The following MPPED2 variants were observed in gnomAD, a reference collection of about 807,000 sequenced individuals.
MPPED2 encodes metallophosphoesterase domain containing 2, also known as metallophosphoesterase MPPED2.
A neutral mutation model predicts 33.0 loss-of-function variants in MPPED2; 5 were observed. That is an observed-to-expected ratio of 0.15 (90% CI 0.08 to 0.32). The LOEUF (loss-of-function observed/expected upper bound fraction) is 0.32, where lower values mean the gene tolerates loss of function less well. Ranked by LOEUF, MPPED2 falls within the 10% of genes least tolerant of loss-of-function variation. The probability of loss-of-function intolerance (pLI) is 1.00; values close to 1 mark genes in which losing one functional copy is unlikely to be tolerated. For missense variants in MPPED2, 275 were observed against 372.1 expected (o/e 0.74, Z 2.15); for synonymous variants, 136 against 141.9 (o/e 0.96, Z 0.29).
intron 3 of MPPED2, among the ~76,000 whole-genome samples, chr11:30,498,073 T>G (rs1419712494): frequency 6.6e-6 from 1 of 151,908 alleles, no homozygotes; most frequent in Non-Finnish European, 1.5e-5. Flanking sequence ...TCGTTGTTTT[T>G]TTTTTTCCAG....
At chr11:30,454,879 TA>T (rs1167896530) in intron 4 of MPPED2, among the ~76,000 whole-genome samples, 1 of 152,212 alleles carries the variant, frequency 6.6e-6, no homozygotes, top group Non-Finnish European at 1.5e-5. Flanking sequence ...CTAGCGATCA[TA>T]TTCCTATTCA....
chr11:30,532,776 A>T (rs1954598388), intron 3 of MPPED2, among the ~76,000 whole-genome samples: 1 of 152,084 alleles, frequency 6.6e-6, no homozygotes, highest in Non-Finnish European at 1.5e-5. Flanking sequence ...TCTTCTTATG[A>T]CCTAAGATGA....
At chr11:30,491,170 G>A (rs1951965653) in intron 4 of MPPED2, among the ~76,000 whole-genome samples, 1 of 152,126 alleles carries the variant, frequency 6.6e-6, no homozygotes, top group Admixed American at 6.6e-5. Flanking sequence ...TGGTACCTAT[G>A]GTATAAGTTC....
intron 4 of MPPED2, among the ~76,000 whole-genome samples, chr11:30,432,032 G>A (rs1159791301): frequency 6.6e-6 from 1 of 152,032 alleles, no homozygotes; most frequent in Non-Finnish European, 1.5e-5. Flanking sequence ...AAAACTGTGT[G>A]GTGGCAGGCA....
chr11:30,435,761 G>A (rs118016567), intron 4 of MPPED2, among the ~76,000 whole-genome samples: 2,568 of 152,170 alleles, frequency 0.017, 35 homozygotes, highest in Non-Finnish European at 0.026. Flanking sequence ...TGTCAACTCT[G>A]CCCCCAAACC....
At chr11:30,433,688 A>C (rs553454333) in intron 4 of MPPED2, among the ~76,000 whole-genome samples, 1 of 152,148 alleles carries the variant, frequency 6.6e-6, no homozygotes, top group South Asian at 2.1e-4. Context: ...ATTATTCTGA[A>C]GCTGTAGTGG....
intron 4 of MPPED2, among the ~76,000 whole-genome samples, chr11:30,484,814 T>G (rs508334): frequency 0.1 from 15,420 of 152,176 alleles, 1,013 homozygotes; most frequent in South Asian, 0.24. Flanking sequence ...AAAGAAACTG[T>G]ACAATATTCA....
rs1024907759 is a variant in MPPED2, at chr11:30,410,970, G to T, written c.*498C>A. The T allele has an allele frequency of 2.0e-6, 2 of 985,632 alleles. No individual in the cohort carries two copies. Among genetic ancestry groups the T allele is most frequent in the Non-Finnish European group, 2.4e-6 (2 of 829,944 alleles). 61.1% of individuals were successfully genotyped at this position (985,632 alleles called of 1,614,324 possible). A position where few individuals can be genotyped will look rare whatever the true frequency, so the allele number is the denominator to read the frequency against. ...AGAAGTCTTTTCCATGCCTACTTCT[G>T]TTGAGAAGATTGCTATAAATTGGGA... On this transcript the variant is annotated 3_prime_UTR_variant, in exon 7 of 7. Coordinates refer to ENST00000358117, the MANE Select transcript of MPPED2 (RefSeq NM_001584.3).
chr11:30,387,473 C>T (rs897291649), exon 7 of MPPED2: 1 of 152,202 alleles, frequency 6.6e-6, no homozygotes, highest in Non-Finnish European at 1.5e-5. Flanking sequence ...AGGAGACTGT[C>T]AGGGAGGGAT....
Position 30,460,339 on chromosome 11 carries a change from G to A in MPPED2, c.536+34957C>T, listed in dbSNP as rs139309931. ...AAAAACCTTTACTGACAAGAATCAG[G>A]CTGGGCGTGGTAGCTCATGCCTGTA... On this transcript the variant is annotated intron_variant, in intron 4 of 6. Transcript: ENST00000358117. Among the ~76,000 whole-genome samples, 261 of 152,260 alleles carry A rather than the reference G, an allele frequency of 1.7e-3. 3 individuals carry two copies. Among genetic ancestry groups the A allele is most frequent in the African/African-American group, 5.8e-3 (243 of 41,540 alleles).
At chr11:30,494,547 G>A (rs1290637654) in intron 4 of MPPED2, among the ~76,000 whole-genome samples, 1 of 151,982 alleles carries the variant, frequency 6.6e-6, no homozygotes, top group Non-Finnish European at 1.5e-5. Context: ...AGACCAGCCT[G>A]GCCAACATGG....
intron 3 of MPPED2, among the ~76,000 whole-genome samples, 160 bp from the exon 4 acceptor site, chr11:30,495,681 C>G (rs1433496761): frequency 1.3e-5 from 2 of 152,110 alleles, no homozygotes; most frequent in African/African-American, 4.8e-5. Flanking sequence ...CTACTTTATG[C>G]TAACAAAAAT....
intron 2 of MPPED2, among the ~76,000 whole-genome samples, chr11:30,542,809 A>G (rs1411702963): frequency 2.0e-5 from 3 of 152,140 alleles, no homozygotes; most frequent in African/African-American, 7.2e-5. Flanking sequence ...CATAAGTAGA[A>G]CTCAGATTTT....
intron 4 of MPPED2, among the ~76,000 whole-genome samples, chr11:30,479,828 TA>T (rs534134239): frequency 6.6e-6 from 1 of 151,364 alleles, no homozygotes; most frequent in Non-Finnish European, 1.5e-5. Flanking sequence ...TTTTAGAAAA[TA>T]AAAAAAAGAG....
At chr11:30,387,397 AT>A (rs1477089584) in exon 7 of MPPED2, 1 of 152,154 alleles carries the variant, frequency 6.6e-6, no homozygotes, top group Non-Finnish European at 1.5e-5. Flanking sequence ...TCCTTTCAGC[AT>A]GCTTATCAGT....
chr11:30,396,156 A>ACACTGTCC (rs927674799), intron 6 of MPPED2, among the ~76,000 whole-genome samples: 107 of 152,308 alleles, frequency 7.0e-4, no homozygotes, highest in African/African-American at 2.4e-3. Context: ...TAAGAAAGGA[A>ACACTGTCC]CACTGTCCTC....
At chr11:30,531,869 A>G (rs1276645757) in intron 3 of MPPED2, among the ~76,000 whole-genome samples, 1 of 152,236 alleles carries the variant, frequency 6.6e-6, no homozygotes, top group Non-Finnish European at 1.5e-5. Flanking sequence ...ACTTGTGTTA[A>G]AAGGAGGCAG....
rs565601919 is a variant in MPPED2 at position 30,486,016 on chromosome 11, G to A, written c.536+9280C>T. The stretch of plus-strand genomic sequence containing the variant: ...TGTCCTGCGGCTCTGCAGATGTGGT[G>A]CTGGCAAAAGAGGAGCACCCAGTGG... On this transcript the variant is annotated intron_variant, in intron 4 of 6. Coordinates refer to ENST00000358117, the MANE Select transcript of MPPED2 (RefSeq NM_001584.3). Among the ~76,000 whole-genome samples the A allele has an allele frequency of 9.2e-5, 14 of 152,298 alleles. No individual in the cohort carries two copies. The South Asian group carries it at 2.9e-3, about 32-fold the overall frequency.
chr11:30,582,246 C>T (rs1957202027), intron 1 of MPPED2, among the ~76,000 whole-genome samples: 1 of 151,980 alleles, frequency 6.6e-6, no homozygotes, highest in Non-Finnish European at 1.5e-5. Context: ...TTGCGTCGCG[C>T]TGAAAAGTAA....
Sources: allele counts gnomAD v4.1 joint callset (sites outside exome capture counted in the v4.1 genomes callset), GRCh38; gene constraint gnomAD v4.1.1; transcripts MANE v1.5; gene names NCBI Gene and HGNC (gene_info 2026-07-23, HGNC 2026-07-21).